Variants in ADGRG2 observed in about 807,000 individuals in gnomAD.
ADGRG2 encodes the protein adhesion G protein-coupled receptor G2.
In ADGRG2, 26 loss-of-function variants were observed where a neutral mutation model predicts 74.1. The observed-to-expected ratio is 0.35, with a 90% confidence interval of 0.26 to 0.49. ADGRG2 has a LOEUF of 0.49. Ranked by LOEUF, ADGRG2 falls within the 20% of genes least tolerant of loss-of-function variation. ADGRG2 has a pLI of 0.99. For missense variants in ADGRG2, 619 were observed against 763.1 expected, an observed-to-expected ratio of 0.81 and a Z score of 2.22; for synonymous variants, 296 against 295.2, an observed-to-expected ratio of 1.00 and a Z score of -0.03.
intron 16 of ADGRG2, among the ~76,000 whole-genome samples, chrX:19,011,835 A>ACTCT (rs368325643): frequency 1.8e-5 from 2 of 109,735 alleles, no homozygotes; most frequent in African/African-American, 6.6e-5. Flanking sequence ...ACAGAGTGAG[A>ACTCT]CTCTCTCTCT....
In ADGRG2 at chrX:19,049,989, C is replaced by T. The variant is rs188587261; in HGVS notation, c.119-9765G>A. 8.3e-3 allele frequency among the ~76,000 whole-genome samples: 918 copies of T among 110,854 alleles called. 4 individuals carry two copies. Among genetic ancestry groups the T allele is most frequent in the Non-Finnish European group, 0.013 (714 of 52,923 alleles). On this transcript the variant is annotated intron_variant, in intron 3 of 28. Coordinates refer to ENST00000379869, the MANE Select transcript of ADGRG2 (RefSeq NM_001079858.3). Reference sequence around the variant, plus strand: ...CTGTGGCGAGCAGTTTTTCCAATTTCCCTTAGTTCACACCACTCTTTGCCA... The same window carrying T: ...CTGTGGCGAGCAGTTTTTCCAATTTTCCTTAGTTCACACCACTCTTTGCCA...
rs1009909947 is a variant in ADGRG2, at chrX:19,102,093, G to A, written c.-46-19347C>T. Among the ~76,000 whole-genome samples the A allele has an allele frequency of 1.0e-4, 11 of 107,853 alleles. 1 individual carries two copies. Among genetic ancestry groups the A allele is most frequent in the East Asian group, 9.2e-4 (3 of 3,255 alleles). The allele number at this position is 107,853 out of a possible 115,157, so 93.7% of individuals were successfully genotyped here. On this transcript the variant is annotated intron_variant, in intron 1 of 28. Transcript: ENST00000379869. The stretch of plus-strand genomic sequence containing the variant: ...GAAGTATTGCGGTGAAAATATTGCC[G>A]GGTGTGGTGGCTCACACCTGTAATC...
At chrX:19,035,536 T>C (rs961876137) in intron 7 of ADGRG2, 2 of 114,142 alleles carry the variant, frequency 1.8e-5, no homozygotes, top group Non-Finnish European at 3.6e-5. Flanking sequence ...GATATAAGAG[T>C]ATATGTATAT....
In ADGRG2 at chrX:19,013,891, C is replaced by T; in HGVS notation, c.894G>A (p.Glu298=). ...AAGGCTGGGGTGAAAGGGGTTGAAT[C>T]TCCCCTATTGGAGAGGGAACATTGT... ...VTHNVPSPIG[E]IQPLSPQPSA... The change falls in exon 16 of 29, where the codon GAG becomes GAA. Residue 298 remains glutamate, a synonymous_variant. Coordinates refer to ENST00000379869, the MANE Select transcript of ADGRG2 (RefSeq NM_001079858.3). The T allele has an allele frequency of 8.3e-7, 1 of 1,208,059 alleles. No homozygotes were observed. The highest frequency in any genetic ancestry group is 1.1e-6 in the Non-Finnish European group (1 of 892,828).
chrX:19,112,571 C>T (rs1487264130), intron 1 of ADGRG2, among the ~76,000 whole-genome samples: 1 of 107,587 alleles, frequency 9.3e-6, no homozygotes, highest in South Asian at 4.2e-4. Context: ...GTCATCCACG[C>T]AGTGTTCAGG....
rs1023685237 is a variant in ADGRG2 at position 19,033,974 on chromosome X, G to T, written c.263-320C>A. On this transcript the variant is annotated intron_variant, in intron 7 of 28. Coordinates refer to ENST00000379869, the MANE Select transcript of ADGRG2 (RefSeq NM_001079858.3). ...ACAAATGATGTGGACTTACACTTCAGATATGTAGAATTAAGCCACTATCGG... is the reference window on the plus strand; with the variant it reads ...ACAAATGATGTGGACTTACACTTCATATATGTAGAATTAAGCCACTATCGG... 6 of 150,519 alleles carry T rather than the reference G, an allele frequency of 4.0e-5. No individual in the cohort carries two copies. The Admixed American group carries it at 4.3e-4, about 11-fold the overall frequency. 12.4% of individuals were successfully genotyped at this position (150,519 alleles called of 1,213,427 possible). A position where few individuals can be genotyped will look rare whatever the true frequency, so the allele number is the denominator to read the frequency against.
intron 11 of ADGRG2, among the ~76,000 whole-genome samples, chrX:19,024,608 T>G (rs745675139): frequency 2.0e-4 from 23 of 112,253 alleles, no homozygotes; most frequent in African/African-American, 6.5e-4. Context: ...CATTTTTGGT[T>G]GTTACGCTGA....
At chrX:19,122,623 G>C (rs1411303896), upstream of ADGRG2, 4 of 109,359 alleles carry the variant, frequency 3.7e-5, no homozygotes. Context: ...GCTCGGCGGC[G>C]GCGAGGCTGG....
intron 1 of ADGRG2, among the ~76,000 whole-genome samples, chrX:19,085,230 T>A (rs2061919286): frequency 8.9e-6 from 1 of 112,208 alleles, no homozygotes; most frequent in Non-Finnish European, 1.9e-5. Flanking sequence ...TGTATTAACA[T>A]ACAGAGACTG....
chrX:19,085,935 C>T (rs770757880), intron 1 of ADGRG2, among the ~76,000 whole-genome samples: 2 of 111,729 alleles, frequency 1.8e-5, no homozygotes, highest in East Asian at 5.6e-4. Flanking sequence ...AAAGGCCCAA[C>T]TGGGAACACA....
chrX:19,052,151 C>T (rs1386137832), intron 3 of ADGRG2, among the ~76,000 whole-genome samples: 1 of 111,709 alleles, frequency 9.0e-6, no homozygotes, highest in Non-Finnish European at 1.9e-5. Context: ...TAATGGTAAG[C>T]CTGAACTCAG....
chrX:19,017,479 G>A (rs1231633934), intron 15 of ADGRG2, among the ~76,000 whole-genome samples: 2 of 111,591 alleles, frequency 1.8e-5, no homozygotes, highest in African/African-American at 3.3e-5. Context: ...AGCCACTAGG[G>A]GTCAGTGGGG....
At chrX:19,052,895 A>G (rs942521432) in intron 3 of ADGRG2, among the ~76,000 whole-genome samples, 1 of 110,825 alleles carries the variant, frequency 9.0e-6, no homozygotes, top group Non-Finnish European at 1.9e-5. Context: ...GGGTTTCACC[A>G]TATTGGCCAG....
intron 1 of ADGRG2, among the ~76,000 whole-genome samples, chrX:19,085,176 G>A (rs942648335): frequency 2.7e-5 from 3 of 111,567 alleles, no homozygotes; most frequent in African/African-American, 6.5e-5. Context: ...GCACATCTGT[G>A]TTTTGGAATA....
At position 19,009,622 on chromosome X, in the gene ADGRG2, G is replaced by A; in HGVS notation, c.1422+4C>T. ...GTTTTTTTCTGCCATCAATTATGAT[G>A]TACCTGAAGATTTGCAGGGTCTTGG... On this transcript the variant is annotated splice_donor_region_variant and intron_variant, in intron 18 of 28. Coordinates refer to ENST00000379869, the MANE Select transcript of ADGRG2 (RefSeq NM_001079858.3). The A allele has an allele frequency of 1.7e-6, 2 of 1,200,611 alleles. No individual in the cohort carries two copies. The highest frequency in any genetic ancestry group is 2.3e-6 in the Non-Finnish European group (2 of 885,522).
chrX:19,047,707 C>G (rs73445649), intron 3 of ADGRG2, among the ~76,000 whole-genome samples: 1 of 111,047 alleles, frequency 9.0e-6, no homozygotes, highest in South Asian at 3.8e-4. Context: ...CAAGCCACCA[C>G]GCCTAGGCAC....
intron 3 of ADGRG2, among the ~76,000 whole-genome samples, chrX:19,055,539 T>C (rs2061398057): frequency 9.0e-6 from 1 of 111,491 alleles, no homozygotes; most frequent in Admixed American, 9.5e-5. Context: ...GGCCACTGTT[T>C]TGGGCAGCAC....
chrX:19,047,726 G>A (rs1052340044), intron 3 of ADGRG2, among the ~76,000 whole-genome samples: 1 of 110,982 alleles, frequency 9.0e-6, no homozygotes, highest in Admixed American at 9.6e-5. Context: ...ACTCTTATAT[G>A]GGAACCCCAA....
intron 1 of ADGRG2, among the ~76,000 whole-genome samples, chrX:19,090,018 C>G (rs1254623429): frequency 8.9e-6 from 1 of 112,035 alleles, no homozygotes; most frequent in Non-Finnish European, 1.9e-5. Flanking sequence ...ACTCATCTTC[C>G]TTTCTTCTTT....
Sources: gnomAD v4.1 joint callset for allele counts (sites outside exome capture counted in the v4.1 genomes callset) on GRCh38, gnomAD v4.1.1 for gene constraint, MANE v1.5 for transcripts, NCBI Gene and HGNC (gene_info 2026-07-23, HGNC 2026-07-21) for gene names.